CTNNA3: variants seen among roughly 807,000 people sequenced by gnomAD.
CTNNA3 encodes catenin alpha 3.
CTNNA3 carries 76 observed loss-of-function variants against 95.7 expected under a neutral mutation model. The observed-to-expected ratio is 0.79, with a 90% CI of 0.66 to 0.96. CTNNA3 has a LOEUF of 0.96. CTNNA3 is among the 40% of genes least tolerant of loss of function. The pLI is 0.00. For synonymous variants in CTNNA3, 431 were observed against 374.4 expected (o/e 1.15, Z -1.74); for missense variants, 1,191 against 1,089.8 (o/e 1.09, Z -1.31).
chr10:67,726,724 ATAATATACAATATAT>A (rs1205852799), intron 1 of CTNNA3, among the ~76,000 whole-genome samples: 2 of 34,558 alleles, frequency 5.8e-5, no homozygotes, highest in Non-Finnish European at 2.1e-4. Context: ...ATCATATATC[ATAATATACAATATAT>A]TATATATGAT....
At chr10:67,044,110 C>A (rs1854578197) in intron 7 of CTNNA3, among the ~76,000 whole-genome samples, 1 of 151,888 alleles carries the variant, frequency 6.6e-6, no homozygotes, top group Non-Finnish European at 1.5e-5. Flanking sequence ...TTCCCCCCAA[C>A]TAGTCGCCAG....
chr10:66,232,768 GAA>G (rs2089649100), intron 13 of CTNNA3, among the ~76,000 whole-genome samples: 1 of 152,152 alleles, frequency 6.6e-6, no homozygotes, highest in African/African-American at 2.4e-5. Flanking sequence ...AGTAAAAAGA[GAA>G]AAGATGATTG....
intron 3 of CTNNA3, among the ~76,000 whole-genome samples, chr10:67,577,351 T>G (rs1259981866): frequency 1.3e-5 from 2 of 151,714 alleles, no homozygotes; most frequent in Admixed American, 6.5e-5. Flanking sequence ...TCTGTTCATG[T>G]CCTTTGCCCA....
At chr10:66,114,518 ATAGTC>A (rs945837551) in intron 13 of CTNNA3, among the ~76,000 whole-genome samples, 12 of 151,604 alleles carry the variant, frequency 7.9e-5, no homozygotes, top group Non-Finnish European at 1.6e-4. Flanking sequence ...GTATATATAT[ATAGTC>A]TAATTATTTA....
intron 7 of CTNNA3, among the ~76,000 whole-genome samples, chr10:67,033,834 GAT>G (rs1350000288): frequency 9.2e-5 from 14 of 152,068 alleles, no homozygotes; most frequent in Admixed American, 7.2e-4. Context: ...GCAGTGGTGC[GAT>G]CTCAGCTCAC....
At chr10:67,359,638 G>A (rs1842929179) in intron 5 of CTNNA3, among the ~76,000 whole-genome samples, 1 of 152,106 alleles carries the variant, frequency 6.6e-6, no homozygotes, top group Admixed American at 6.6e-5. Context: ...GAATTTCAGA[G>A]CTTAGTCAGA....
chr10:66,924,130 G>C (rs1273430226), intron 7 of CTNNA3, among the ~76,000 whole-genome samples: 2 of 152,174 alleles, frequency 1.3e-5, no homozygotes, highest in Admixed American at 6.5e-5. Context: ...TGAGAATCCT[G>C]GGGGAGGGAT....
intron 3 of CTNNA3, among the ~76,000 whole-genome samples, chr10:67,578,871 C>A (rs1188609647): frequency 6.6e-6 from 1 of 151,568 alleles, no homozygotes; most frequent in Non-Finnish European, 1.5e-5. Flanking sequence ...AATACTTTTT[C>A]TGCATCTATG....
At chr10:66,001,349 C>A (rs2078766436) in intron 15 of CTNNA3, among the ~76,000 whole-genome samples, 1 of 152,098 alleles carries the variant, frequency 6.6e-6, no homozygotes, top group South Asian at 2.1e-4. Context: ...GGAGATTGCA[C>A]TTTGATGTTT....
intron 7 of CTNNA3, among the ~76,000 whole-genome samples, chr10:67,061,068 T>C (rs901119004): frequency 1.3e-5 from 2 of 152,106 alleles, no homozygotes; most frequent in African/African-American, 4.8e-5. Flanking sequence ...TAAAAATTCA[T>C]TAATTCTATT....
intron 10 of CTNNA3, among the ~76,000 whole-genome samples, chr10:66,538,388 A>G (rs1203342501): frequency 6.6e-6 from 1 of 152,120 alleles, no homozygotes; most frequent in Non-Finnish European, 1.5e-5. Flanking sequence ...TGGGGAAGAT[A>G]TATTTCCAGA....
chr10:67,598,509 G>A (rs953063451), intron 3 of CTNNA3, among the ~76,000 whole-genome samples: 1 of 151,966 alleles, frequency 6.6e-6, no homozygotes, highest in African/African-American at 2.4e-5. Flanking sequence ...GTACTGTTCA[G>A]AATGTGCTGA....
chr10:66,713,005 C>G lies in CTNNA3; in HGVS notation c.1281+53259G>C, dbSNP rs564651030. Among the ~76,000 whole-genome samples, 19 of 152,186 alleles carry G rather than the reference C, an allele frequency of 1.2e-4. No homozygotes were observed. The South Asian group carries it at 3.7e-3, about 30-fold the overall frequency. ...GGGAAAGCTGGGTGCTTCTGTGTTA[C>G]TAGTATACTAAGACCTTAAGTAAGG... On this transcript the variant is annotated intron_variant, in intron 9 of 17. Coordinates refer to ENST00000433211, the MANE Select transcript of CTNNA3 (RefSeq NM_013266.4).
chr10:66,815,995 T>C (rs931515693), intron 7 of CTNNA3, among the ~76,000 whole-genome samples: 1 of 152,182 alleles, frequency 6.6e-6, no homozygotes, highest in African/African-American at 2.4e-5. Flanking sequence ...TTTCTTTGTG[T>C]TTTAAAACAA....
In CTNNA3 at chr10:67,557,703, A is replaced by C. The variant is rs555010710; in HGVS notation, c.293-18034T>G. ...ATTTAAAAGGTAAAGGAATTTGTTC[A>C]GGGTTATTGGGTTGTTTACAGAATT... On this transcript the variant is annotated intron_variant, in intron 3 of 17. Coordinates refer to ENST00000433211, the MANE Select transcript of CTNNA3 (RefSeq NM_013266.4). Among the ~76,000 whole-genome samples, 8 of 152,360 alleles carry C rather than the reference A, an allele frequency of 5.3e-5. No individual in the cohort carries two copies. The South Asian group carries it at 1.7e-3, about 32-fold the overall frequency.
In CTNNA3 at chr10:65,990,073, T is replaced by TGTGTGTG. The variant is rs375067707; in HGVS notation, c.2160-1277_2160-1276insCACACAC. Among the ~76,000 whole-genome samples, 54 of 64,904 alleles carry TGTGTGTG rather than the reference T, an allele frequency of 8.3e-4. 1 individual carries two copies. The highest frequency in any genetic ancestry group is 2.0e-3 in the African/African-American group (45 of 22,972). 42.6% of individuals were successfully genotyped at this position (64,904 alleles called of 152,430 possible). ...TAATGGCTGTGTTTCATTTTGTGTG[T>TGTGTGTG]AGTGTGTGTGTGTGTGTGTGTATAC... On this transcript the variant is annotated intron_variant, in intron 15 of 17. Coordinates refer to ENST00000433211, the MANE Select transcript of CTNNA3 (RefSeq NM_013266.4).
intron 5 of CTNNA3, among the ~76,000 whole-genome samples, chr10:67,463,175 G>T (rs1847450275): frequency 6.6e-6 from 1 of 151,976 alleles, no homozygotes; most frequent in Non-Finnish European, 1.5e-5. Context: ...AAAGTGCTGG[G>T]ATTATAGGCG....
intron 11 of CTNNA3, among the ~76,000 whole-genome samples, chr10:66,451,691 C>T (rs1334182358): frequency 4.0e-5 from 6 of 151,832 alleles, no homozygotes; most frequent in African/African-American, 1.2e-4. Context: ...TTTTTGGACT[C>T]CTAGATACAT....
At chr10:66,467,333 A>T (rs763344867) in intron 11 of CTNNA3, among the ~76,000 whole-genome samples, 4 of 152,074 alleles carry the variant, frequency 2.6e-5, no homozygotes, top group Non-Finnish European at 2.9e-5. Context: ...GGTCATAACA[A>T]ATAATTCTTG....
Sources: gnomAD v4.1 joint callset for allele counts (sites outside exome capture counted in the v4.1 genomes callset) on GRCh38, gnomAD v4.1.1 for gene constraint, MANE v1.5 for transcripts, NCBI Gene and HGNC (gene_info 2026-07-23, HGNC 2026-07-21) for gene names.